Variants in NOL4L observed in about 807,000 individuals in gnomAD.
NOL4L encodes the protein nucleolar protein 4-like.
A neutral mutation model predicts 64.5 loss-of-function variants in NOL4L; 7 were observed. That is an observed-to-expected ratio of 0.11 (90% confidence interval 0.06 to 0.20). The LOEUF (loss-of-function observed/expected upper bound fraction) is 0.20, where lower values mean the gene tolerates loss of function less well. Ranked by LOEUF, NOL4L falls within the 10% of genes least tolerant of loss-of-function variation. The pLI, the probability that NOL4L is intolerant of heterozygous loss-of-function variation, is 1.00. For synonymous variants in NOL4L, 413 were observed against 401.0 expected (o/e 1.03, Z -0.36); for missense variants, 680 against 967.1 (o/e 0.70, Z 3.94).
At chr20:32,578,965 G>A (rs1980298609) in intron 1 of NOL4L, among the ~76,000 whole-genome samples, 1 of 152,218 alleles carries the variant, frequency 6.6e-6, no homozygotes, top group South Asian at 2.1e-4. Flanking sequence ...GCAGTCATGG[G>A]GACGGGGGTA....
chr20:32,529,825 G>A lies in NOL4L; in HGVS notation c.322-1912C>T, dbSNP rs550428570. Among the ~76,000 whole-genome samples, 3 of 152,320 alleles carry A rather than the reference G, an allele frequency of 2.0e-5. No homozygotes were observed. The East Asian group carries it at 5.8e-4, about 29-fold the overall frequency. On this transcript the variant is annotated intron_variant, in intron 1 of 10. Coordinates refer to ENST00000621426, the MANE Select transcript of NOL4L (RefSeq NM_001256798.2). ...TATCTCTCTCTCTCTGTGTGTACAG[G>A]AGAAGCCACTTGCTGGTCCAGCTTC...
intron 1 of NOL4L, chr20:32,532,277 C>T (rs912911193): frequency 7.9e-5 from 63 of 801,290 alleles, no homozygotes; most frequent in Non-Finnish European, 8.8e-5. Flanking sequence ...GGGCCTGGAG[C>T]GACCAGAACT....
rs574726791 is a variant in NOL4L, at chr20:32,457,176, G to A, written c.842-781C>T. On this transcript the variant is annotated intron_variant, in intron 5 of 10. Transcript: ENST00000621426. Reference sequence around the variant, plus strand: ...GGCACCGCCAGCCTGCGGGCGCGGGGGAGGAAACTTTAACCAGGGGACCAG... The same window carrying A: ...GGCACCGCCAGCCTGCGGGCGCGGGAGAGGAAACTTTAACCAGGGGACCAG... Among the ~76,000 whole-genome samples the A allele has an allele frequency of 1.4e-3, 216 of 152,336 alleles. 1 individual carries two copies. The highest frequency in any genetic ancestry group is 5.0e-3 in the African/African-American group (208 of 41,576).
intron 1 of NOL4L, among the ~76,000 whole-genome samples, chr20:32,538,927 C>T (rs961115545): frequency 8.6e-5 from 13 of 151,488 alleles, no homozygotes; most frequent in Non-Finnish European, 1.8e-4. Flanking sequence ...ACATGCAAAC[C>T]GAGCTTCAAA....
chr20:32,483,551 AGGCGAGCAGCGGCGGCAGCGGC>A, intron 4 of NOL4L: 1 of 963,128 alleles, frequency 1.0e-6, no homozygotes, highest in Non-Finnish European at 1.2e-6. Context: ...AGGAGGGCCC[AGGCGAGCAGCGGCGGCAGCGGC>A]GGCGGCGCCG....
At chr20:32,483,596 A>T in intron 4 of NOL4L, 1 of 485,716 alleles carries the variant, frequency 2.1e-6, no homozygotes, top group Non-Finnish European at 2.4e-6. Flanking sequence ...GCCCGGAGGA[A>T]GGGGGAGGGG....
At chr20:32,504,613 CTT>C (rs1234890998) in intron 4 of NOL4L, among the ~76,000 whole-genome samples, 2 of 141,724 alleles carry the variant, frequency 1.4e-5, no homozygotes, top group Non-Finnish European at 3.1e-5. Flanking sequence ...TCTGCAGCTG[CTT>C]TTTTTTTTTT....
intron 1 of NOL4L, among the ~76,000 whole-genome samples, chr20:32,558,306 G>C (rs1246568132): frequency 6.6e-6 from 1 of 152,090 alleles, no homozygotes; most frequent in East Asian, 1.9e-4. Flanking sequence ...TCCTCCTCAC[G>C]ATCAAGAGAG....
chr20:32,511,710 C>T (rs894207326), intron 3 of NOL4L, among the ~76,000 whole-genome samples: 2 of 152,162 alleles, frequency 1.3e-5, no homozygotes, highest in Non-Finnish European at 2.9e-5. Flanking sequence ...TGAGGCCGGG[C>T]GTGCTGGCTC....
At chr20:32,449,049 A>C (rs2012601627) in intron 10 of NOL4L, among the ~76,000 whole-genome samples, 2 of 152,240 alleles carry the variant, frequency 1.3e-5, no homozygotes, top group Admixed American at 1.3e-4. Context: ...AAGAGGTTTC[A>C]GGGCTTTCTG....
At chr20:32,549,186 G>A (rs1276869573) in intron 1 of NOL4L, among the ~76,000 whole-genome samples, 1 of 152,160 alleles carries the variant, frequency 6.6e-6, no homozygotes, top group African/African-American at 2.4e-5. Context: ...CTCACAGACT[G>A]GGGTAAAATA....
chr20:32,572,510 T>C (rs987889674), intron 1 of NOL4L: 4 of 152,248 alleles, frequency 2.6e-5, no homozygotes, highest in African/African-American at 9.7e-5. Context: ...TCCAAGCCAG[T>C]TGGTGAGTCA....
In NOL4L at chr20:32,527,830, C is replaced by T. The variant is rs1302296790; in HGVS notation, c.405G>A (p.Ser135=). 9.0e-6 allele frequency: 14 copies of T among 1,550,478 alleles called. No individual in the cohort carries two copies. Among genetic ancestry groups the T allele is most frequent in the South Asian group, 5.9e-5 (5 of 84,066 alleles). ...VVEDFFDIIY[S]MHVESSAEPG... is the part of the protein sequence containing the mutation. The stretch of plus-strand genomic sequence containing the variant: ...GCTCCGCTGAGCTCTCCACATGCAT[C>T]GAGTAGATGATGTCAAAGAAATCTT... Residue 135 remains serine, a synonymous_variant, in exon 2 of 11, where the codon TCG becomes TCA. Coordinates refer to ENST00000621426, the MANE Select transcript of NOL4L (RefSeq NM_001256798.2).
intron 1 of NOL4L, among the ~76,000 whole-genome samples, chr20:32,533,053 A>G (rs945748068): frequency 6.6e-6 from 1 of 152,206 alleles, no homozygotes; most frequent in Non-Finnish European, 1.5e-5. Flanking sequence ...CAGGATGCTG[A>G]GATGGGAAGA....
chr20:32,550,915 G>GA (rs2018792550), intron 1 of NOL4L, among the ~76,000 whole-genome samples: 1 of 148,106 alleles, frequency 6.8e-6, no homozygotes, highest in African/African-American at 2.6e-5. Flanking sequence ...AAAAAGTTAG[G>GA]CGTGGTGGTG....
chr20:32,515,156 G>T (rs771184504), intron 3 of NOL4L, among the ~76,000 whole-genome samples: 1 of 152,058 alleles, frequency 6.6e-6, no homozygotes, highest in Non-Finnish European at 1.5e-5. Flanking sequence ...GTCTTCCTTG[G>T]CCTGTTCCCA....
At position 32,585,188 on chromosome 20, in the gene NOL4L, G is replaced by C. The variant is rs1275001269; in HGVS notation, c.-298C>G. 6 of 149,150 alleles carry C rather than the reference G, an allele frequency of 4.0e-5. 1 individual carries two copies. The highest frequency in any genetic ancestry group is 9.0e-5 in the Non-Finnish European group (6 of 66,512). 9.2% of individuals were successfully genotyped at this position (149,150 alleles called of 1,614,324 possible). On this transcript the variant is annotated 5_prime_UTR_variant, in exon 1 of 11. Transcript: ENST00000621426. ...GCAGGAGCGATGGAGGCAGCTCCGG[G>C]CCCGGAGGTGCAGAGGGGGCGGGCC...
chr20:32,573,581 A>G (rs1052115973), intron 1 of NOL4L: 2 of 176,280 alleles, frequency 1.1e-5, no homozygotes, highest in Non-Finnish European at 2.4e-5. Flanking sequence ...ATACAATAGC[A>G]TAGAAGGAGG....
At chr20:32,482,928 C>G (rs776586935) in intron 4 of NOL4L, among the ~76,000 whole-genome samples, 12 of 151,670 alleles carry the variant, frequency 7.9e-5, no homozygotes, top group Non-Finnish European at 1.3e-4. Context: ...GACGCGGTGC[C>G]GAGCCCGCTG....
Sources: allele counts gnomAD v4.1 joint callset (sites outside exome capture counted in the v4.1 genomes callset), GRCh38; gene constraint gnomAD v4.1.1; transcripts MANE v1.5; gene names NCBI Gene and HGNC (gene_info 2026-07-23, HGNC 2026-07-21).